CSGALNACT1: variants seen among roughly 807,000 people sequenced by gnomAD.
The protein encoded by CSGALNACT1 is beta4GalNAcT-1.
A neutral mutation model predicts 51.0 loss-of-function variants in CSGALNACT1; 52 were observed. The observed-to-expected ratio is 1.02, with a 90% confidence interval of 0.82 to 1.29. The LOEUF is 1.29. Among genes scored for constraint, CSGALNACT1 ranks in the 50% most tolerant of loss-of-function variants. CSGALNACT1 has a pLI of 0.00. For missense variants in CSGALNACT1, 935 were observed against 679.2 expected, an observed-to-expected ratio of 1.38 and a Z score of -4.19; for synonymous variants, 341 against 254.4, an observed-to-expected ratio of 1.34 and a Z score of -3.24.
At chr8:19,525,451 A>C (rs2081473730) in intron 3 of CSGALNACT1, among the ~76,000 whole-genome samples, 1 of 151,192 alleles carries the variant, frequency 6.6e-6, no homozygotes, top group Non-Finnish European at 1.5e-5. Flanking sequence ...TAAAAAATAC[A>C]AAAAAGAAAA....
At chr8:19,545,103 T>C (rs948471467) in intron 3 of CSGALNACT1, among the ~76,000 whole-genome samples, 3 of 152,228 alleles carry the variant, frequency 2.0e-5, no homozygotes, top group African/African-American at 7.2e-5. Context: ...AGTCACTCCA[T>C]GTCACCCTGG....
At chr8:19,731,145 G>T (rs539113603) in intron 1 of CSGALNACT1, among the ~76,000 whole-genome samples, 67 of 152,184 alleles carry the variant, frequency 4.4e-4, no homozygotes, top group Middle Eastern at 6.8e-3. Context: ...AACTTGTGAC[G>T]CCACTTTTTC....
intron 1 of CSGALNACT1, among the ~76,000 whole-genome samples, chr8:19,624,233 T>G (rs113591036): frequency 6.6e-6 from 1 of 152,130 alleles, no homozygotes; most frequent in African/African-American, 2.4e-5. Flanking sequence ...GGGATTATTA[T>G]CTTGACTTTC....
chr8:19,579,041 T>A (rs761523708), intron 3 of CSGALNACT1, among the ~76,000 whole-genome samples: 4 of 152,112 alleles, frequency 2.6e-5, no homozygotes, highest in African/African-American at 4.8e-5. Flanking sequence ...ATTCAGGAAG[T>A]TTTAACACCA....
At chr8:19,488,947 G>A (rs1378901084) in intron 4 of CSGALNACT1, among the ~76,000 whole-genome samples, 2 of 152,076 alleles carry the variant, frequency 1.3e-5, no homozygotes, top group Non-Finnish European at 2.9e-5. Flanking sequence ...ATAAACTCAG[G>A]ATCCTTGAAA....
intron 1 of CSGALNACT1, among the ~76,000 whole-genome samples, chr8:19,743,421 G>A (rs985855442): frequency 1.2e-4 from 18 of 152,194 alleles, no homozygotes; most frequent in African/African-American, 4.1e-4. Context: ...TATTCATTAT[G>A]ATGATCATCT....
At chr8:19,540,489 C>T (rs961843657) in intron 3 of CSGALNACT1, among the ~76,000 whole-genome samples, 1 of 152,194 alleles carries the variant, frequency 6.6e-6, no homozygotes, top group African/African-American at 2.4e-5. Context: ...CTTATAAACA[C>T]TTGTTTTGAA....
intron 5 of CSGALNACT1, among the ~76,000 whole-genome samples, chr8:19,448,582 G>A (rs7829658): frequency 6.6e-6 from 1 of 152,028 alleles, no homozygotes; most frequent in Non-Finnish European, 1.5e-5. Context: ...TGAGAGGAGA[G>A]CACGGTTATT....
At chr8:19,702,848 G>C (rs1363700596) in intron 1 of CSGALNACT1, among the ~76,000 whole-genome samples, 4 of 152,112 alleles carry the variant, frequency 2.6e-5, no homozygotes, top group African/African-American at 4.8e-5. Flanking sequence ...CTGGGTTTCA[G>C]GGTCTCCCCT....
intron 1 of CSGALNACT1, among the ~76,000 whole-genome samples, chr8:19,695,600 C>T (rs2061543909): frequency 6.6e-6 from 1 of 152,132 alleles, no homozygotes; most frequent in Admixed American, 6.5e-5. Flanking sequence ...GAAATAAAAA[C>T]ATGGCGTTTA....
chr8:19,597,285 C>CTTTTTT (rs35177349), intron 2 of CSGALNACT1, among the ~76,000 whole-genome samples: 1 of 64,528 alleles, frequency 1.5e-5, no homozygotes, highest in Non-Finnish European at 2.6e-5. Context: ...TATCTTCTTT[C>CTTTTTT]TTTTTTTTTT....
At chr8:19,743,834 A>T (rs2064468575) in intron 1 of CSGALNACT1, among the ~76,000 whole-genome samples, 1 of 152,256 alleles carries the variant, frequency 6.6e-6, no homozygotes, top group Non-Finnish European at 1.5e-5. Flanking sequence ...TATAGATGAT[A>T]AATTTCTCCA....
Position 19,573,480 on chromosome 8 carries a change from G to T in CSGALNACT1, c.-297+17680C>A, listed in dbSNP as rs1313674051. ...TTTTTTGGACACTAAGTCTCACTCC[G>T]TTGCCCAGGCTGGAATGTAGTGGTG... On this transcript the variant is annotated intron_variant, in intron 3 of 9. Coordinates refer to ENST00000454498, the Ensembl canonical transcript of CSGALNACT1. Among the ~76,000 whole-genome samples the T allele has an allele frequency of 2.7e-5, 4 of 150,666 alleles. No individual in the cohort carries two copies. In the South Asian group the frequency reaches 6.3e-4, roughly 24 times the overall value.
chr8:19,430,787 G>A (rs1163571579), intron 6 of CSGALNACT1, among the ~76,000 whole-genome samples: 1 of 152,098 alleles, frequency 6.6e-6, no homozygotes, highest in Non-Finnish European at 1.5e-5. Flanking sequence ...GACTGACTGA[G>A]TACTGTCATT....
chr8:19,631,777 G>A (rs2055296207), intron 1 of CSGALNACT1, among the ~76,000 whole-genome samples: 1 of 152,132 alleles, frequency 6.6e-6, no homozygotes. Flanking sequence ...AGCATTTCTG[G>A]ATTTGACTGT....
At chr8:19,463,976 A>T (rs954628167) in intron 4 of CSGALNACT1, among the ~76,000 whole-genome samples, 4 of 152,194 alleles carry the variant, frequency 2.6e-5, no homozygotes, top group African/African-American at 9.7e-5. Flanking sequence ...CCCTGTCTTC[A>T]ACTGAGGACC....
intron 3 of CSGALNACT1, among the ~76,000 whole-genome samples, chr8:19,532,789 G>A (rs563129068): frequency 3.3e-5 from 5 of 152,236 alleles, no homozygotes; most frequent in African/African-American, 9.6e-5. Context: ...AGAGAGCGAG[G>A]AGTCACCTAA....
intron 6 of CSGALNACT1, among the ~76,000 whole-genome samples, chr8:19,422,487 C>A (rs571954721): frequency 6.6e-6 from 1 of 151,342 alleles, no homozygotes; most frequent in South Asian, 2.1e-4. Flanking sequence ...CTGGACAAGA[C>A]TCTATTTTTC....
At chr8:19,684,795 A>G (rs2060880792), upstream of CSGALNACT1, among the ~76,000 whole-genome samples, 1 of 152,250 alleles carries the variant, frequency 6.6e-6, no homozygotes, top group African/African-American at 2.4e-5. Flanking sequence ...CAGAAGAAAA[A>G]AAGAACGTGA....
Sources: gnomAD v4.1 joint callset for allele counts (sites outside exome capture counted in the v4.1 genomes callset) on GRCh38, gnomAD v4.1.1 for gene constraint, MANE v1.5 for transcripts, NCBI Gene and HGNC (gene_info 2026-07-23, HGNC 2026-07-21) for gene names.